LANCL3: variants seen among roughly 807,000 people sequenced by gnomAD.
The protein encoded by LANCL3 is LanC like family member 3, also known as lanC-like protein 3.
LANCL3 carries 19 observed loss-of-function variants against 26.5 expected under a neutral mutation model. The ratio of observed to expected loss-of-function variants is 0.72; its 90% confidence interval spans 0.50 to 1.05. The LOEUF (loss-of-function observed/expected upper bound fraction) is 1.05. Ranked by LOEUF, LANCL3 falls within the 50% of genes least tolerant of loss-of-function variation. LANCL3 has a pLI of 0.00. For synonymous variants in LANCL3, 160 were observed against 166.6 expected (o/e 0.96, Z 0.30); for missense variants, 318 against 362.7 (o/e 0.88, Z 1.00).
At chrX:37,602,847 A>G (rs1924607332) in intron 1 of LANCL3, among the ~76,000 whole-genome samples, 1 of 111,688 alleles carries the variant, frequency 9.0e-6, no homozygotes, top group South Asian at 3.7e-4. Flanking sequence ...TGGTTTTGTA[A>G]CATTTTGAAG....
chrX:37,597,263 A>C (rs186828689), intron 1 of LANCL3, among the ~76,000 whole-genome samples: 55 of 112,033 alleles, frequency 4.9e-4, no homozygotes, highest in Non-Finnish European at 8.1e-4. Context: ...ATTTCCAGTT[A>C]TTGGCTGTTA....
rs1248091877 is a variant in LANCL3 at position 37,677,155 on chromosome X, T to C, written c.*1342T>C. On this transcript the variant is annotated 3_prime_UTR_variant, in exon 5 of 5. Transcript: ENST00000378619. ...GATATATTATGTGTGTGTGTGTGTG[T>C]GTGTGTGTGTGTATGGTGTGTATTC... 9.0e-6 allele frequency: 1 copy of C among 110,760 alleles called. No individual in the cohort carries two copies. Among genetic ancestry groups the C allele is most frequent in the East Asian group, 2.8e-4 (1 of 3,582 alleles). 9.1% of individuals were successfully genotyped at this position (110,760 alleles called of 1,213,427 possible).
chrX:37,681,443 A>G lies in LANCL3; in HGVS notation c.*5630A>G, dbSNP rs782341881. The stretch of plus-strand genomic sequence containing the variant: ...CATTCCTGTTTCCTAGTATTGATAA[A>G]GTCTTCCTACCTTCCTTCGTTGTTA... On this transcript the variant is annotated 3_prime_UTR_variant, in exon 5 of 5. Transcript: ENST00000378619. The G allele has an allele frequency of 3.6e-5, 4 of 111,880 alleles. No individual in the cohort carries two copies. Among genetic ancestry groups the G allele is most frequent in the Non-Finnish European group, 5.6e-5 (3 of 53,155 alleles). The allele number at this position is 111,880 out of a possible 1,213,427, so 9.2% of individuals were successfully genotyped here. A position where few individuals can be genotyped will look rare whatever the true frequency, so the allele number is the denominator to read the frequency against.
intron 1 of LANCL3, among the ~76,000 whole-genome samples, chrX:37,577,554 ATTTG>A (rs1296065751): frequency 8.9e-6 from 1 of 112,271 alleles, no homozygotes; most frequent in East Asian, 2.8e-4. Context: ...CGAAATGCTA[ATTTG>A]TTTAAGTAAG....
At chrX:37,618,069 G>A (rs899357303) in intron 1 of LANCL3, among the ~76,000 whole-genome samples, 1 of 111,647 alleles carries the variant, frequency 9.0e-6, no homozygotes, top group Non-Finnish European at 1.9e-5. Flanking sequence ...GAAGAACAAT[G>A]TCCCAGAAAC....
chrX:37,611,390 C>T (rs1432233565), intron 1 of LANCL3, among the ~76,000 whole-genome samples: 1 of 110,792 alleles, frequency 9.0e-6, no homozygotes, highest in Non-Finnish European at 1.9e-5. Flanking sequence ...GATCCTCCAT[C>T]CCAAGCTATG....
chrX:37,621,516 G>A (rs782399812), intron 1 of LANCL3, among the ~76,000 whole-genome samples: 2 of 112,425 alleles, frequency 1.8e-5, no homozygotes, highest in Admixed American at 9.4e-5. Context: ...AACTTTAAAA[G>A]TGGCACTCTA....
chrX:37,645,535 G>A (rs782010585), intron 1 of LANCL3, among the ~76,000 whole-genome samples: 48 of 112,628 alleles, frequency 4.3e-4, no homozygotes, highest in African/African-American at 1.5e-3. Context: ...CTTACATGCA[G>A]AATATTGGAA....
intron 1 of LANCL3, among the ~76,000 whole-genome samples, chrX:37,639,870 T>C (rs1421930952): frequency 8.9e-6 from 1 of 111,788 alleles, no homozygotes; most frequent in Non-Finnish European, 1.9e-5. Flanking sequence ...ACCATGTAAT[T>C]ATGTGCTATA....
intron 1 of LANCL3, among the ~76,000 whole-genome samples, chrX:37,631,994 T>G (rs1239378795): frequency 9.0e-6 from 1 of 110,751 alleles, no homozygotes; most frequent in Non-Finnish European, 1.9e-5. Flanking sequence ...CTGAGTTCAA[T>G]TCCTGGGTAT....
chrX:37,633,758 G>A (rs887664357), intron 1 of LANCL3, among the ~76,000 whole-genome samples: 1 of 111,745 alleles, frequency 8.9e-6, no homozygotes, highest in Non-Finnish European at 1.9e-5. Flanking sequence ...TTCGTGAACC[G>A]CAAATGCTGC....
intron 3 of LANCL3, among the ~76,000 whole-genome samples, chrX:37,660,601 A>G (rs2146784897): frequency 9.0e-6 from 1 of 111,688 alleles, no homozygotes; most frequent in African/African-American, 3.3e-5. Flanking sequence ...AAAATACCAA[A>G]ATAATACAAA....
At chrX:37,645,473 A>T (rs2146770261) in intron 1 of LANCL3, among the ~76,000 whole-genome samples, 1 of 112,541 alleles carries the variant, frequency 8.9e-6, no homozygotes, top group South Asian at 3.7e-4. Context: ...AAACCTGGCC[A>T]CACTGGCTAA....
chrX:37,574,888 GGTGT>G (rs781868476), intron 1 of LANCL3, among the ~76,000 whole-genome samples: 1,917 of 100,851 alleles, frequency 0.019, 59 homozygotes, highest in African/African-American at 0.067. Context: ...ACCTTGTATA[GGTGT>G]GTGTGTGTGT....
intron 1 of LANCL3, 78 bp downstream of exon 1, chrX:37,572,521 G>T (rs1247561063): frequency 1.7e-5 from 15 of 871,200 alleles, no homozygotes; most frequent in Non-Finnish European, 2.3e-5. Context: ...GGCTCGGGCA[G>T]CACTGTCCCG....
intron 1 of LANCL3, among the ~76,000 whole-genome samples, chrX:37,622,298 A>T (rs1242234336): frequency 9.0e-6 from 1 of 111,115 alleles, no homozygotes; most frequent in Non-Finnish European, 1.9e-5. Flanking sequence ...TTTCTTTGGA[A>T]TCAATAAGGG....
chrX:37,600,390 C>G (rs1301179485), intron 1 of LANCL3, among the ~76,000 whole-genome samples: 4 of 111,559 alleles, frequency 3.6e-5, no homozygotes, highest in Non-Finnish European at 7.5e-5. Context: ...GAATGTATCC[C>G]CTATGGATAA....
intron 1 of LANCL3, among the ~76,000 whole-genome samples, chrX:37,597,164 G>A (rs945164567): frequency 8.9e-6 from 1 of 112,142 alleles, no homozygotes; most frequent in African/African-American, 3.2e-5. Context: ...GCATGTATTA[G>A]TACTCCATTC....
rs1317551642 is a variant in LANCL3 at position 37,600,343 on chromosome X, T to C, written c.573+27900T>C. Among the ~76,000 whole-genome samples, 3 of 112,385 alleles carry C rather than the reference T, an allele frequency of 2.7e-5. No individual in the cohort carries two copies. In the East Asian group the frequency reaches 8.3e-4, roughly 31 times the overall value. ...AAATAACAGTATACATGGGGTTCGG[T>C]AGTACTTGAGGTTTCAGGCATCCAC... On this transcript the variant is annotated intron_variant, in intron 1 of 4. Transcript: ENST00000378619.
Sources: gnomAD v4.1 joint callset for allele counts (sites outside exome capture counted in the v4.1 genomes callset) on GRCh38, gnomAD v4.1.1 for gene constraint, MANE v1.5 for transcripts, NCBI Gene and HGNC (gene_info 2026-07-23, HGNC 2026-07-21) for gene names.